Variants in PARP10 observed in about 807,000 individuals in gnomAD.
PARP10 encodes the protein protein mono-ADP-ribosyltransferase PARP10.
In PARP10, 56 loss-of-function variants were observed where a neutral mutation model predicts 82.4. That is an observed-to-expected ratio of 0.68 (90% CI 0.55 to 0.85). PARP10 has a LOEUF of 0.85. Ranked by LOEUF, PARP10 falls within the 40% of genes least tolerant of loss-of-function variation. The probability of loss-of-function intolerance (pLI) is 0.00; values close to 1 mark genes in which losing one functional copy is unlikely to be tolerated. For synonymous variants in PARP10, 576 were observed against 601.1 expected (o/e 0.96, Z 0.61); for missense variants, 1,227 against 1,379.4 (o/e 0.89, Z 1.75).
upstream of PARP10, chr8:143,991,514 G>T: frequency 6.5e-7 from 1 of 1,547,612 alleles, no homozygotes; most frequent in Non-Finnish European, 8.7e-7. Flanking sequence ...ACCCCCAAGG[G>T]GGCTACCCCC....
chr8:143,991,507 C>G (rs569404228), upstream of PARP10: 4 of 1,542,012 alleles, frequency 2.6e-6, no homozygotes, highest in East Asian at 6.9e-5. Flanking sequence ...GGCCCCTACC[C>G]CCAAGGGGGC....
At chr8:143,991,123 G>A (rs1253403477), upstream of PARP10, 1 of 738,588 alleles carries the variant, frequency 1.4e-6, no homozygotes, top group African/African-American at 1.9e-5. Flanking sequence ...CCCAGAAGCA[G>A]GTGGAGTTGC....
At chr8:143,993,650 A>G (rs1834136151), upstream of PARP10, among the ~76,000 whole-genome samples, 2 of 152,178 alleles carry the variant, frequency 1.3e-5, no homozygotes, top group South Asian at 4.1e-4. Context: ...CCCAATGGTA[A>G]GTGGCCTGGC....
Position 143,977,298 on chromosome 8 carries a change from G to A in PARP10, c.*186C>T. The A allele has an allele frequency of 1.5e-6, 1 of 656,270 alleles. No individual in the cohort carries two copies. Among genetic ancestry groups the A allele is most frequent in the Non-Finnish European group, 2.5e-6 (1 of 394,264 alleles). 40.7% of individuals were successfully genotyped at this position (656,270 alleles called of 1,614,324 possible). A position where few individuals can be genotyped will look rare whatever the true frequency, so the allele number is the denominator to read the frequency against. ...CCTGGTGGTGGGGTCGGCCCAGGCT[G>A]GGACCTAGCCCGGCCCCCCTCGGCC... On this transcript the variant is annotated 3_prime_UTR_variant, in exon 11 of 11. Coordinates refer to ENST00000313028, the MANE Select transcript of PARP10 (RefSeq NM_032789.5).
At position 143,983,737 on chromosome 8, in the gene PARP10, C is replaced by G. The variant is rs782237453; in HGVS notation, c.1852G>C (p.Glu618Gln). The change falls in exon 8 of 11, where the codon GAG (glutamate) becomes CAG (glutamine). Residue 618 changes from glutamate (E) to glutamine (Q), a missense_variant. Glu to Gln is a conservative substitution (Grantham distance 29, BLOSUM62 2). Transcript: ENST00000313028. ...GGCTGCTCCTGAGGCCCTTCCTCCTCCAGCTCCCGAGGCAGCCAGTCCTCC... is the reference window on the plus strand; with the variant it reads ...GGCTGCTCCTGAGGCCCTTCCTCCTGCAGCTCCCGAGGCAGCCAGTCCTCC... Reference protein sequence around the residue: ...DGEDWLPRELEEEGPQEQPEE... With the variant: ...DGEDWLPRELQEEGPQEQPEE... 2 of 1,612,024 alleles carry G rather than the reference C, an allele frequency of 1.2e-6. No individual in the cohort carries two copies. The highest frequency in any genetic ancestry group is 1.7e-6 in the Non-Finnish European group (2 of 1,179,234).
intron 1 of PARP10, among the ~76,000 whole-genome samples, chr8:144,000,286 T>C (rs1215835153): frequency 6.6e-6 from 1 of 152,156 alleles, no homozygotes; most frequent in Non-Finnish European, 1.5e-5. Context: ...CTGATGCTTT[T>C]ATAAAACGGG....
chr8:143,992,642 T>A (rs532105154), upstream of PARP10: 2 of 1,614,016 alleles, frequency 1.2e-6, no homozygotes, highest in African/African-American at 1.3e-5. Context: ...GGGGGCGGGA[T>A]GCTGGGCAGG....
upstream of PARP10, chr8:143,993,017 G>A (rs540745757): frequency 1.3e-4 from 80 of 614,500 alleles, no homozygotes; most frequent in African/African-American, 1.3e-3. Flanking sequence ...ATTTGGACCC[G>A]CTGTGGCCAC....
At position 143,986,337 on chromosome 8, in the gene PARP10, G is replaced by A; in HGVS notation, c.2+21C>T. ...TCCTCAATGCTCCCCCATTATGGGT[G>A]GCCCCACATACAGCACTTACATTCC... On this transcript the variant is annotated intron_variant, in intron 1 of 10. Coordinates refer to ENST00000313028, the MANE Select transcript of PARP10 (RefSeq NM_032789.5). The A allele has an allele frequency of 1.9e-6, 3 of 1,614,146 alleles. No individual in the cohort carries two copies. The South Asian group carries it at 3.3e-5, about 18-fold the overall frequency.
chr8:144,002,793 A>C (rs1220497065), intron 1 of PARP10, among the ~76,000 whole-genome samples: 2 of 152,194 alleles, frequency 1.3e-5, no homozygotes, highest in African/African-American at 4.8e-5. Context: ...ATTTCTGTTC[A>C]TCAAAAGATA....
upstream of PARP10, chr8:143,986,748 A>C: frequency 2.9e-6 from 1 of 344,712 alleles, no homozygotes; most frequent in Non-Finnish European, 5.5e-6. Flanking sequence ...CGCCCCACTA[A>C]ACCCACCAAG....
chr8:144,004,017 A>G (rs184030480), intron 1 of PARP10, among the ~76,000 whole-genome samples: 14 of 152,150 alleles, frequency 9.2e-5, no homozygotes, highest in African/African-American at 2.9e-4. Context: ...CCTGGGCAAC[A>G]ACAACAACAA....
chr8:143,986,181 G>T lies in PARP10; in HGVS notation c.55C>A (p.Pro19Thr). The change falls in exon 2 of 11, where the codon CCC (proline) becomes ACC (threonine). Residue 19 changes from proline to threonine, a missense_variant. Coordinates refer to ENST00000313028, the MANE Select transcript of PARP10 (RefSeq NM_032789.5). ...AGCAGCTCGTCGGGCACGGCAGGGG[G>T]CAGTCCACGGACCTCCACTGCCACC... The part of the protein sequence containing the change: ...AGVAVEVRGL[P>T]PAVPDELLTL... The T allele has an allele frequency of 6.2e-7, 1 of 1,613,856 alleles. No individual in the cohort carries two copies. Among genetic ancestry groups the T allele is most frequent in the Admixed American group, 1.7e-5 (1 of 60,024 alleles).
intron 9 of PARP10, among the ~76,000 whole-genome samples, 177 bp from the exon 10 acceptor site, chr8:143,978,258 A>G (rs979616664): frequency 3.1e-4 from 47 of 152,152 alleles, no homozygotes; most frequent in African/African-American, 1.1e-3. Context: ...TCCGTGAAGC[A>G]AGTGACTTCA....
chr8:143,999,730 C>T (rs1367521746), intron 1 of PARP10, among the ~76,000 whole-genome samples: 1 of 151,572 alleles, frequency 6.6e-6, no homozygotes, highest in Non-Finnish European at 1.5e-5. Context: ...TGAGTCACTG[C>T]ACTGGCTCGA....
intron 1 of PARP10, among the ~76,000 whole-genome samples, chr8:144,001,287 T>C (rs992812871): frequency 6.6e-6 from 1 of 152,124 alleles, no homozygotes; most frequent in African/African-American, 2.4e-5. Context: ...TCACGGCTCA[T>C]GCAGCCTGGA....
At chr8:143,992,201 A>G (rs1554750646), upstream of PARP10, 1 of 1,601,170 alleles carries the variant, frequency 6.2e-7, no homozygotes, top group East Asian at 2.2e-5. Context: ...CAGGGGTGGC[A>G]TGGGGGCACA....
rs142994580 is a variant in PARP10 at position 143,983,331 on chromosome 8, C to T, written c.2258G>A (p.Arg753His). 3.7e-5 allele frequency: 59 copies of T among 1,610,950 alleles called. No individual in the cohort carries two copies. In the African/African-American group the frequency reaches 3.7e-4, roughly 10 times the overall value. ...ACTCACACCATGGCACCGCTCCAGGCGAGCACGCAGCTCTGCAGGCAGTGT... is the reference window on the plus strand; with the variant it reads ...ACTCACACCATGGCACCGCTCCAGGTGAGCACGCAGCTCTGCAGGCAGTGT... ...RRTLPAELRA[R>H]LERCHGVSVA... The change falls in exon 8 of 11, where the codon CGC becomes CAC. Residue 753 changes from arginine (R) to histidine (H), a missense_variant. Physicochemically the swap from Arg to His is conservative, Grantham distance 29 (BLOSUM62 0). Coordinates refer to ENST00000313028, the MANE Select transcript of PARP10 (RefSeq NM_032789.5).
chr8:144,004,601 C>T (rs1834222813), intron 1 of PARP10, among the ~76,000 whole-genome samples: 1 of 152,202 alleles, frequency 6.6e-6, no homozygotes, highest in African/African-American at 2.4e-5. Flanking sequence ...AAACCAAGCC[C>T]CTCTGTCTCC....
Sources: allele counts gnomAD v4.1 joint callset (sites outside exome capture counted in the v4.1 genomes callset), GRCh38; gene constraint gnomAD v4.1.1; transcripts MANE v1.5; gene names NCBI Gene and HGNC (gene_info 2026-07-23, HGNC 2026-07-21).